The following TOPAZ1 variants were observed in gnomAD, a reference collection of about 807,000 sequenced individuals.
TOPAZ1 encodes protein TOPAZ1.
In TOPAZ1, 66 loss-of-function variants were observed where a neutral mutation model predicts 172.2. That is an observed-to-expected ratio of 0.38 (90% CI 0.31 to 0.47). The LOEUF (loss-of-function observed/expected upper bound fraction) is 0.47. Ranked by LOEUF, TOPAZ1 falls within the 20% of genes least tolerant of loss-of-function variation. The probability of loss-of-function intolerance (pLI) is 0.99; values close to 1 mark genes in which losing one functional copy is unlikely to be tolerated. For synonymous variants in TOPAZ1, 681 were observed against 683.9 expected (o/e 1.00, Z 0.07); for missense variants, 1,822 against 1,972.4 (o/e 0.92, Z 1.44).
At chr3:44,281,837 C>T in intron 8 of TOPAZ1, 131 bp from the exon 9 acceptor site, 2 of 557,836 alleles carry the variant, frequency 3.6e-6, no homozygotes, top group South Asian at 5.8e-5. Context: ...AACCAAACAT[C>T]AGCTTCTTTA....
intron 18 of TOPAZ1, among the ~76,000 whole-genome samples, chr3:44,327,891 C>T (rs943903677): frequency 1.3e-5 from 2 of 151,918 alleles, no homozygotes; most frequent in African/African-American, 4.8e-5. Context: ...ACGACAGGCA[C>T]CCGCCACCAC....
chr3:44,277,699 G>A (rs1458789815), intron 8 of TOPAZ1, among the ~76,000 whole-genome samples: 2 of 152,216 alleles, frequency 1.3e-5, no homozygotes, highest in East Asian at 1.9e-4. Flanking sequence ...TTTGGGTGAT[G>A]GGGGTGGATC....
chr3:44,301,806 CA>C (rs1700275145), intron 12 of TOPAZ1, among the ~76,000 whole-genome samples: 1 of 151,936 alleles, frequency 6.6e-6, no homozygotes, highest in Non-Finnish European at 1.5e-5. Context: ...TCCAGTTTGT[CA>C]GTTGTCTTTT....
intron 8 of TOPAZ1, among the ~76,000 whole-genome samples, chr3:44,273,147 T>C (rs1364739215): frequency 6.6e-6 from 1 of 152,248 alleles, no homozygotes; most frequent in Non-Finnish European, 1.5e-5. Context: ...GTTCACACTG[T>C]TGAAACAGAG....
At chr3:44,273,405 T>A (rs142436352) in intron 8 of TOPAZ1, among the ~76,000 whole-genome samples, 8 of 152,174 alleles carry the variant, frequency 5.3e-5, no homozygotes, top group Non-Finnish European at 2.9e-5. Context: ...CCAGAGTTTC[T>A]TACATCTTCT....
intron 2 of TOPAZ1, among the ~76,000 whole-genome samples, chr3:44,251,788 C>T (rs938523664): frequency 6.6e-6 from 1 of 152,088 alleles, no homozygotes; most frequent in African/African-American, 2.4e-5. Flanking sequence ...TTACTTAGAT[C>T]TTCTCTTTGC....
At chr3:44,322,960 C>T (rs112651282) in intron 17 of TOPAZ1, 132 bp from the exon 18 acceptor site, 2 of 549,488 alleles carry the variant, frequency 3.6e-6, no homozygotes, top group East Asian at 6.3e-5. Context: ...AAAATGATTG[C>T]ATTTTAGTGA....
At chr3:44,309,303 A>C (rs1011404423) in intron 15 of TOPAZ1, among the ~76,000 whole-genome samples, 2 of 152,146 alleles carry the variant, frequency 1.3e-5, no homozygotes, top group African/African-American at 4.8e-5. Context: ...TTTGGAAGGT[A>C]GGGCAGGGGT....
At chr3:44,280,935 A>G (rs1308798243) in intron 8 of TOPAZ1, among the ~76,000 whole-genome samples, 1 of 152,172 alleles carries the variant, frequency 6.6e-6, no homozygotes, top group Admixed American at 6.5e-5. Flanking sequence ...TTTAGCAGCT[A>G]CTTAGGACTG....
In TOPAZ1 at chr3:44,269,471, C is replaced by CTTTTTTTTTTTTTTTTTTTTTT. The variant is rs71085612; in HGVS notation, c.3246+180_3246+201dup. 1.9e-3 allele frequency among the ~76,000 whole-genome samples: 65 copies of CTTTTTTTTTTTTTTTTTTTTTT among 33,934 alleles called. 5 individuals carry two copies. The highest frequency in any genetic ancestry group is 0.036 in the Middle Eastern group (1 of 28). 22.3% of individuals were successfully genotyped at this position (33,934 alleles called of 152,430 possible). A position where few individuals can be genotyped will look rare whatever the true frequency, so the allele number is the denominator to read the frequency against. On this transcript the variant is annotated intron_variant, in intron 7 of 19. Transcript: ENST00000309765. ...CCTTTTGATTGTATTTCCCTATCAT[C>CTTTTTTTTTTTTTTTTTTTTTT]TTTTTTTTTTTTTTTTTTTTTTTTT...
intron 4 of TOPAZ1, among the ~76,000 whole-genome samples, chr3:44,256,482 A>G (rs2125680580): frequency 6.6e-6 from 1 of 152,278 alleles, no homozygotes; most frequent in South Asian, 2.1e-4. Flanking sequence ...GGAAAATGGG[A>G]TGTACTGTTT....
chr3:44,255,136 G>T, intron 3 of TOPAZ1, 107 bp downstream of exon 3: 7 of 738,662 alleles, frequency 9.5e-6, no homozygotes, highest in South Asian at 4.2e-5. Context: ...TTCATTTTAG[G>T]GTCTGTTGAC....
At chr3:44,295,324 T>C (rs1173921311) in intron 12 of TOPAZ1, among the ~76,000 whole-genome samples, 1 of 152,140 alleles carries the variant, frequency 6.6e-6, no homozygotes, top group African/African-American at 2.4e-5. Flanking sequence ...ATACAGTAGA[T>C]GAATAATATA....
In TOPAZ1 at chr3:44,244,253, A is replaced by G. The variant is rs1266585906; in HGVS notation, c.1747A>G (p.Met583Val). 3 of 1,549,518 alleles carry G rather than the reference A, an allele frequency of 1.9e-6. No homozygotes were observed. The highest frequency in any genetic ancestry group is 1.7e-4 in the Middle Eastern group (1 of 5,980). ...AGTTTCTGCAGTAGAACCTACTTTA[A>G]TGGTTATAAAGGAACCTATAATCAA... ...SSVSAVEPTL[M>V]VIKEPIIKDD... Residue 583 changes from methionine to valine, a missense_variant, in exon 2 of 20, where the codon ATG becomes GTG. Physicochemically the swap from Met to Val is conservative, Grantham distance 21. Around this residue, in one of 2 missense-constraint regions of TOPAZ1, gnomAD observed 1,489 missense variants for 1,490.8 expected, o/e 1.00. Coordinates refer to ENST00000309765, the MANE Select transcript of TOPAZ1 (RefSeq NM_001145030.2).
intron 14 of TOPAZ1, 27 bp downstream of exon 14, chr3:44,305,348 T>G: frequency 6.6e-7 from 1 of 1,506,316 alleles, no homozygotes; most frequent in Non-Finnish European, 8.9e-7. Flanking sequence ...GGCCTGAATA[T>G]TGTGTATGAG....
At chr3:44,267,697 G>T (rs980541576) in intron 6 of TOPAZ1, among the ~76,000 whole-genome samples, 6 of 152,184 alleles carry the variant, frequency 3.9e-5, no homozygotes, top group Non-Finnish European at 7.3e-5. Context: ...TTTTGATGGA[G>T]TGTGTATATG....
In TOPAZ1 at chr3:44,269,298, G is replaced by A; in HGVS notation, c.3243G>A (p.Val1081=). ...AAATATTCAAGAGGGAAAAAAATGT[G>A]GGGGTAAGTCTACTTTAAAAAATAA... ...TCEIFKREKN[V]GVFQKSLGLM... is the part of the protein sequence containing the mutation. The change falls in exon 7 of 20, where the codon GTG becomes GTA. Residue 1081 remains valine (V), a synonymous_variant. Coordinates refer to ENST00000309765, the MANE Select transcript of TOPAZ1 (RefSeq NM_001145030.2). 2 of 1,531,126 alleles carry A rather than the reference G, an allele frequency of 1.3e-6. No individual in the cohort carries two copies. Among genetic ancestry groups the A allele is most frequent in the Non-Finnish European group, 1.8e-6 (2 of 1,128,576 alleles). 94.8% of individuals were successfully genotyped at this position (1,531,126 alleles called of 1,614,324 possible).
At chr3:44,315,663 T>C (rs1452900540) in intron 16 of TOPAZ1, among the ~76,000 whole-genome samples, 1 of 151,050 alleles carries the variant, frequency 6.6e-6, no homozygotes, top group Admixed American at 6.6e-5. Flanking sequence ...TGAGCCACCA[T>C]GCCCGGCATC....
rs185833474 is a variant in TOPAZ1, at chr3:44,326,401, C to T, written c.4676-1849C>T. Among the ~76,000 whole-genome samples the T allele has an allele frequency of 4.1e-3, 622 of 152,290 alleles. 9 individuals carry two copies. The highest frequency in any genetic ancestry group is 0.014 in the African/African-American group (594 of 41,566). Reference sequence around the variant, plus strand: ...GTTTTGGTTTTCATATCCCTAATAACTAATGATGTTGAGGACCTTTTCATA... The same window carrying T: ...GTTTTGGTTTTCATATCCCTAATAATTAATGATGTTGAGGACCTTTTCATA... On this transcript the variant is annotated intron_variant, in intron 18 of 19. Coordinates refer to ENST00000309765, the MANE Select transcript of TOPAZ1 (RefSeq NM_001145030.2).
Sources: allele counts gnomAD v4.1 joint callset (sites outside exome capture counted in the v4.1 genomes callset), GRCh38; gene constraint gnomAD v4.1.1; regional missense constraint gnomAD v4.1.1; transcripts MANE v1.5; gene names NCBI Gene and HGNC (gene_info 2026-07-23, HGNC 2026-07-21).